XRCC6: variants seen among roughly 807,000 people sequenced by gnomAD.
The protein encoded by XRCC6 is X-ray repair cross complementing 6, also known as DNA repair protein Ku70.
In XRCC6, 5 loss-of-function variants were observed where a neutral mutation model predicts 65.7. The ratio of observed to expected loss-of-function variants is 0.08; its 90% CI spans 0.04 to 0.16. XRCC6 has a LOEUF of 0.16. XRCC6 is among the 10% of genes least tolerant of loss of function. The pLI is 1.00. For missense variants in XRCC6, 447 were observed against 738.1 expected (o/e 0.61, Z 4.57); for synonymous variants, 270 against 270.6 (o/e 1.00, Z 0.02).
intron 2 of XRCC6, among the ~76,000 whole-genome samples, chr22:41,624,387 C>CA (rs1176703949): frequency 1.3e-5 from 2 of 148,238 alleles, no homozygotes; most frequent in Admixed American, 6.7e-5. Context: ...AACTCTATCT[C>CA]AAAAAAAATA....
At position 41,661,255 on chromosome 22, in the gene XRCC6, CAGAG is replaced by C. The variant is rs1489719166; in HGVS notation, c.1523-73_1523-70del. On this transcript the variant is annotated intron_variant, in intron 11 of 12. Transcript: ENST00000360079. ...GTTAGGTGCTCTCTCTTCTGGTTCTCAGAGAGTTCTGGAAGTGGACAGCAAGCTG... is the reference window on the plus strand; with the variant it reads ...GTTAGGTGCTCTCTCTTCTGGTTCTCAGTTCTGGAAGTGGACAGCAAGCTG... 38 of 1,291,844 alleles carry C rather than the reference CAGAG, an allele frequency of 2.9e-5. No homozygotes were observed. In the South Asian group the frequency reaches 4.0e-4, roughly 14 times the overall value. The allele number at this position is 1,291,844 out of a possible 1,614,324, so 80.0% of individuals were successfully genotyped here. A position where few individuals can be genotyped will look rare whatever the true frequency, so the allele number is the denominator to read the frequency against.
rs553591070 is a variant in XRCC6, at chr22:41,658,242, G to A, written c.1422-10G>A. On this transcript the variant is annotated splice_polypyrimidine_tract_variant and intron_variant, in intron 10 of 12. Coordinates refer to ENST00000360079, the MANE Select transcript of XRCC6 (RefSeq NM_001469.5). ...CATGTTTCAGTTGAGTTACATTATT[G>A]TTTTAACAGAAGTGACAGCTTTGAG... 28 of 1,612,300 alleles carry A rather than the reference G, an allele frequency of 1.7e-5. No individual in the cohort carries two copies. In the East Asian group the frequency reaches 3.6e-4, roughly 21 times the overall value.
At position 41,663,877 on chromosome 22, in the gene XRCC6, A is replaced by G. The variant is rs1158143478; in HGVS notation, c.*62A>G. ...GGCCAGGCTGCCTGGCCTTGTCCTC[A>G]GCCAGTTAAAATGTGTTTCTCCTGA... On this transcript the variant is annotated 3_prime_UTR_variant, in exon 13 of 13. Transcript: ENST00000360079. 4.5e-6 allele frequency: 7 copies of G among 1,552,010 alleles called. No individual in the cohort carries two copies. The highest frequency in any genetic ancestry group is 1.9e-5 in the Admixed American group (1 of 53,470).
At chr22:41,644,419 T>G (rs1453245172) in intron 6 of XRCC6, among the ~76,000 whole-genome samples, 2 of 152,206 alleles carry the variant, frequency 1.3e-5, no homozygotes, top group Non-Finnish European at 2.9e-5. Flanking sequence ...ACGTTCTTTT[T>G]TTCCCCCATA....
At chr22:41,660,165 G>A (rs1365579369) in intron 11 of XRCC6, among the ~76,000 whole-genome samples, 1 of 152,192 alleles carries the variant, frequency 6.6e-6, no homozygotes, top group African/African-American at 2.4e-5. Context: ...ATACGGGCAT[G>A]TGAGCTGCCC....
At chr22:41,641,597 C>T (rs2067878194) in intron 6 of XRCC6, among the ~76,000 whole-genome samples, 1 of 152,146 alleles carries the variant, frequency 6.6e-6, no homozygotes, top group African/African-American at 2.4e-5. Flanking sequence ...CCCACTGCCC[C>T]ATCACTACCC....
intron 6 of XRCC6, among the ~76,000 whole-genome samples, chr22:41,645,001 C>T (rs2067916936): frequency 6.6e-6 from 1 of 151,774 alleles, no homozygotes; most frequent in Admixed American, 6.6e-5. Flanking sequence ...GAGTGGCAAG[C>T]AATAAAAACT....
intron 2 of XRCC6, among the ~76,000 whole-genome samples, chr22:41,622,652 G>T: frequency 6.6e-6 from 1 of 152,102 alleles, no homozygotes; most frequent in East Asian, 1.9e-4. Flanking sequence ...TATTAAAAAT[G>T]AGAAACGGCC....
chr22:41,653,798 T>A, intron 9 of XRCC6, 108 bp downstream of exon 9: 1 of 1,353,538 alleles, frequency 7.4e-7, no homozygotes, highest in African/African-American at 1.5e-5. Context: ...GGAATGGGGC[T>A]TAAAAATGTC....
chr22:41,623,512 C>T (rs944356507), intron 2 of XRCC6, among the ~76,000 whole-genome samples: 5 of 151,804 alleles, frequency 3.3e-5, no homozygotes, highest in South Asian at 2.1e-4. Context: ...CTCAGCCTCC[C>T]GAGTAGCTGG....
chr22:41,642,296 G>A (rs1400376654), intron 6 of XRCC6, among the ~76,000 whole-genome samples: 2 of 152,180 alleles, frequency 1.3e-5, no homozygotes, highest in Non-Finnish European at 1.5e-5. Flanking sequence ...TAACTGAGGT[G>A]AGATGATATC....
At chr22:41,647,629 G>A (rs1453251981) in intron 7 of XRCC6, among the ~76,000 whole-genome samples, 4 of 152,058 alleles carry the variant, frequency 2.6e-5, no homozygotes, top group Non-Finnish European at 5.9e-5. Flanking sequence ...GCCTGGGCTG[G>A]TGTCAAACTC....
intron 5 of XRCC6, among the ~76,000 whole-genome samples, chr22:41,637,187 G>A (rs550310942): frequency 3.4e-4 from 50 of 146,354 alleles, no homozygotes; most frequent in African/African-American, 1.1e-3. Context: ...AGATTCAAGC[G>A]ATTCACCTGC....
chr22:41,650,821 G>A lies in XRCC6; in HGVS notation c.1059G>A (p.Leu353=). 6.2e-7 allele frequency: 1 copy of A among 1,613,982 alleles called. No individual in the cohort carries two copies. Among genetic ancestry groups the A allele is most frequent in the South Asian group, 1.1e-5 (1 of 91,070 alleles). Reference sequence around the variant, plus strand: ...TGATGCTCATGGGTTTCAAGCCGTTGGTACTGCTGAAGAAACACCATTACC... The same window carrying A: ...TGATGCTCATGGGTTTCAAGCCGTTAGTACTGCTGAAGAAACACCATTACC... ...PGLMLMGFKP[L]VLLKKHHYLR... Residue 353 remains leucine, a synonymous_variant, in exon 8 of 13, where the codon TTG becomes TTA. Transcript: ENST00000360079.
intron 11 of XRCC6, among the ~76,000 whole-genome samples, chr22:41,659,592 G>A (rs1027066023): frequency 2.0e-5 from 3 of 151,970 alleles, no homozygotes; most frequent in South Asian, 2.1e-4. Context: ...CACCTGTCTC[G>A]GCCTCCCAAA....
chr22:41,626,643 GT>G (rs775432486), intron 2 of XRCC6, among the ~76,000 whole-genome samples: 22 of 129,542 alleles, frequency 1.7e-4, no homozygotes, highest in African/African-American at 2.6e-4. Context: ...TTTTTTTTTT[GT>G]TTTTTTTTTT....
At chr22:41,661,734 C>T in intron 12 of XRCC6, 1 of 336,620 alleles carries the variant, frequency 3.0e-6, no homozygotes, top group Non-Finnish European at 5.5e-6. Context: ...ACCATATGAT[C>T]CAGTCAGTAT....
chr22:41,636,617 G>A lies in XRCC6; in HGVS notation c.436G>A (p.Val146Met), dbSNP rs761432957. ...CGGATCTGACTACTCACTCAGTGAAGTGCTGTGGGTCTGTGCCAACCTCTT... is the reference window on the plus strand; with the variant it reads ...CGGATCTGACTACTCACTCAGTGAAATGCTGTGGGTCTGTGCCAACCTCTT... ...GHGSDYSLSE[V>M]LWVCANLFSD... The change falls in exon 5 of 13, where the codon GTG becomes ATG. Residue 146 changes from valine to methionine, a missense_variant. By Grantham distance (21) the Val-to-Met change is conservative. This residue lies in a region of XRCC6 where 228 missense variants were observed against 307.4 expected (regional missense o/e 0.74). Transcript: ENST00000360079. 6 of 1,614,094 alleles carry A rather than the reference G, an allele frequency of 3.7e-6. No homozygotes were observed. The highest frequency in any genetic ancestry group is 3.4e-6 in the Non-Finnish European group (4 of 1,180,020).
intron 2 of XRCC6, among the ~76,000 whole-genome samples, chr22:41,622,768 G>A (rs1299032734): frequency 4.0e-5 from 6 of 151,834 alleles, no homozygotes; most frequent in Admixed American, 6.6e-5. Flanking sequence ...GTGAAACCCC[G>A]TCTGTACTAA....
Sources: allele counts gnomAD v4.1 joint callset (sites outside exome capture counted in the v4.1 genomes callset), GRCh38; gene constraint gnomAD v4.1.1; regional missense constraint gnomAD v4.1.1; transcripts MANE v1.5; gene names NCBI Gene and HGNC (gene_info 2026-07-23, HGNC 2026-07-21).